The following ADAMTS9 variants were observed in gnomAD, a reference collection of about 807,000 sequenced individuals.
The protein encoded by ADAMTS9 is A disintegrin and metalloproteinase with thrombospondin motifs 9.
Under a neutral mutation model 257.1 loss-of-function variants are expected in ADAMTS9, and 107 were observed. The ratio of observed to expected loss-of-function variants is 0.42; its 90% CI spans 0.36 to 0.49. The LOEUF is 0.49. Ranked by LOEUF, ADAMTS9 falls within the 20% of genes least tolerant of loss-of-function variation. The pLI, the probability that ADAMTS9 is intolerant of heterozygous loss-of-function variation, is 0.03. For missense variants in ADAMTS9, 2,353 were observed against 2,469.1 expected (o/e 0.95, Z 1.00); for synonymous variants, 982 against 880.9 (o/e 1.11, Z -2.03).
intron 22 of ADAMTS9, among the ~76,000 whole-genome samples, chr3:64,608,392 A>T (rs1315663910): frequency 1.3e-5 from 2 of 152,034 alleles, no homozygotes; most frequent in Non-Finnish European, 2.9e-5. Flanking sequence ...AGATCAACAA[A>T]ATTGATAAAC....
intron 28 of ADAMTS9, among the ~76,000 whole-genome samples, chr3:64,591,178 T>C (rs1172781786): frequency 6.6e-6 from 1 of 152,136 alleles, no homozygotes; most frequent in Non-Finnish European, 1.5e-5. Flanking sequence ...TGGTGGCTCA[T>C]GTCTGTAATC....
chr3:64,594,873 G>A (rs534507473), intron 27 of ADAMTS9, among the ~76,000 whole-genome samples: 442 of 152,010 alleles, frequency 2.9e-3, no homozygotes, highest in African/African-American at 7.4e-3. Flanking sequence ...TGCAACCTCC[G>A]CCTCCCAGGT....
chr3:64,544,798 A>C (rs947638710), intron 32 of ADAMTS9, among the ~76,000 whole-genome samples: 7 of 152,238 alleles, frequency 4.6e-5, no homozygotes, highest in Non-Finnish European at 1.0e-4. Flanking sequence ...TCTGCACAGC[A>C]AAAGAAACTA....
At chr3:64,601,114 T>C (rs560584409) in intron 26 of ADAMTS9, among the ~76,000 whole-genome samples, 1 of 152,208 alleles carries the variant, frequency 6.6e-6, no homozygotes, top group Admixed American at 6.5e-5. Flanking sequence ...ACTTTTCCTT[T>C]GATATCAGAT....
rs1297744344 is a variant in ADAMTS9, at chr3:64,647,973, G to A, written c.1677C>T (p.Pro559=). The A allele has an allele frequency of 1.2e-6, 2 of 1,613,992 alleles. No homozygotes were observed. The highest frequency in any genetic ancestry group is 8.5e-7 in the Non-Finnish European group (1 of 1,180,014). Residue 559 remains proline, a synonymous_variant, in exon 11 of 40, where the codon CCC becomes CCT. Transcript: ENST00000498707. ...VHKGCRTQHT[P]WADGTECEPG... ...GCTCGCACTCCGTCCCATCGGCCCA[G>A]GGTGTGTGCTGAGTCCGGCAGCCTT...
chr3:64,615,278 T>G (rs779242853), intron 21 of ADAMTS9, 43 bp downstream of exon 21: 6 of 1,598,464 alleles, frequency 3.8e-6, no homozygotes, highest in Admixed American at 3.4e-5. Context: ...AGAACTAGAA[T>G]GTAAGAGATG....
At chr3:64,659,594 A>G (rs1701176226) in intron 3 of ADAMTS9, among the ~76,000 whole-genome samples, 1 of 152,188 alleles carries the variant, frequency 6.6e-6, no homozygotes, top group African/African-American at 2.4e-5. Flanking sequence ...AACTGTAGAA[A>G]ATGCACAACC....
chr3:64,551,378 T>G (rs1484588553), intron 30 of ADAMTS9, among the ~76,000 whole-genome samples: 1 of 151,928 alleles, frequency 6.6e-6, no homozygotes, highest in Non-Finnish European at 1.5e-5. Context: ...CCAGGCTAAT[T>G]TTTTGTATTT....
At chr3:64,650,916 T>G in intron 9 of ADAMTS9, 101 bp downstream of exon 9, 1 of 1,021,636 alleles carries the variant, frequency 9.8e-7, no homozygotes, top group Non-Finnish European at 1.4e-6. Context: ...CAAAAATAAC[T>G]CAAAAGGAAT....
At chr3:64,634,903 A>C (rs1172643324) in intron 12 of ADAMTS9, among the ~76,000 whole-genome samples, 2 of 152,196 alleles carry the variant, frequency 1.3e-5, no homozygotes, top group African/African-American at 4.8e-5. Flanking sequence ...TGCTCACGAA[A>C]TATAGAATGA....
At chr3:64,542,220 TACACACACAC>T (rs60208170) in intron 32 of ADAMTS9, among the ~76,000 whole-genome samples, 1 of 133,074 alleles carries the variant, frequency 7.5e-6, no homozygotes, top group African/African-American at 2.5e-5. Context: ...TGTGTAATTT[TACACACACAC>T]ACACACACAC....
chr3:64,655,589 C>G lies in ADAMTS9; in HGVS notation c.1156G>C (p.Val386Leu), dbSNP rs766227581. Residue 386 changes from valine (V) to leucine (L), a missense_variant, in exon 6 of 40, where the codon GTT (valine) becomes CTT (leucine). Coordinates refer to ENST00000498707, the MANE Select transcript of ADAMTS9 (RefSeq NM_182920.2). ...AAATCCATATACCTTGTTAAGAGAA[C>G]AGCAGTATCATGATGGATTCCACCT... ...SPGGIHHDTA[V>L]LLTRQDICRA... is the part of the protein sequence containing the mutation. 6.2e-7 allele frequency: 1 copy of G among 1,613,302 alleles called. No individual in the cohort carries two copies. Among genetic ancestry groups the G allele is most frequent in the Non-Finnish European group, 8.5e-7 (1 of 1,179,244 alleles).
intron 8 of ADAMTS9, 146 bp from the exon 9 acceptor site, chr3:64,651,309 T>C (rs1576161421): frequency 3.4e-6 from 2 of 596,880 alleles, no homozygotes; most frequent in East Asian, 6.7e-5. Context: ...CAGAATAAAA[T>C]GTAAGACAAT....
At chr3:64,650,545 G>A (rs1245836836) in intron 9 of ADAMTS9, 1 of 154,550 alleles carries the variant, frequency 6.5e-6, no homozygotes, top group Non-Finnish European at 1.4e-5. Context: ...GAGGAAGAGT[G>A]ACGCAGAGAG....
At chr3:64,630,947 A>G (rs1700354633) in intron 16 of ADAMTS9, among the ~76,000 whole-genome samples, 1 of 152,208 alleles carries the variant, frequency 6.6e-6, no homozygotes, top group African/African-American at 2.4e-5. Context: ...TAGTATTGCT[A>G]TTCTAGTAAT....
At chr3:64,597,861 A>G (rs934154397) in intron 26 of ADAMTS9, among the ~76,000 whole-genome samples, 2 of 152,228 alleles carry the variant, frequency 1.3e-5, no homozygotes, top group African/African-American at 4.8e-5. Flanking sequence ...CAGTTTGCCT[A>G]TAAAATAATC....
intron 12 of ADAMTS9, among the ~76,000 whole-genome samples, chr3:64,640,336 C>G (rs570729831): frequency 6.6e-6 from 1 of 152,306 alleles, no homozygotes; most frequent in African/African-American, 2.4e-5. Context: ...TCACACAATT[C>G]AGATTTTTCA....
chr3:64,602,504 T>C (rs1455902220), intron 25 of ADAMTS9, among the ~76,000 whole-genome samples: 2 of 152,174 alleles, frequency 1.3e-5, no homozygotes, highest in Non-Finnish European at 2.9e-5. Flanking sequence ...AATCCTTACA[T>C]TGATCTACTA....
chr3:64,650,954 A>G (rs1700916713), intron 9 of ADAMTS9, 63 bp downstream of exon 9: 19 of 1,485,994 alleles, frequency 1.3e-5, no homozygotes, highest in Non-Finnish European at 1.6e-5. Flanking sequence ...CTTTCCCACA[A>G]TTAGTTCACT....
Sources: allele counts gnomAD v4.1 joint callset (sites outside exome capture counted in the v4.1 genomes callset), GRCh38; gene constraint gnomAD v4.1.1; transcripts MANE v1.5; gene names NCBI Gene and HGNC (gene_info 2026-07-23, HGNC 2026-07-21).